The following AHCYL2 variants were observed in gnomAD, a reference collection of about 807,000 sequenced individuals.
AHCYL2 encodes adenosylhomocysteinase like 2, also known as S-adenosylhomocysteine hydrolase-like protein 2.
In AHCYL2, 28 loss-of-function variants were observed where a neutral mutation model predicts 81.4. The ratio of observed to expected loss-of-function variants is 0.34; its 90% confidence interval spans 0.25 to 0.47. The LOEUF (loss-of-function observed/expected upper bound fraction) is 0.47. AHCYL2 is among the 20% of genes least tolerant of loss of function. The pLI is 1.00. For synonymous variants in AHCYL2, 272 were observed against 290.2 expected (o/e 0.94, Z 0.64); for missense variants, 551 against 785.1 (o/e 0.70, Z 3.56).
At chr7:129,294,150 A>G (rs1796973124) in intron 1 of AHCYL2, among the ~76,000 whole-genome samples, 1 of 152,242 alleles carries the variant, frequency 6.6e-6, no homozygotes. Context: ...TTTAGTTGGT[A>G]GAACAATTAC....
rs769346623 is a variant in AHCYL2 at position 129,362,597 on chromosome 7, G to GTTTT, written c.364-17017_364-17014dup. Among the ~76,000 whole-genome samples, 46 of 63,646 alleles carry GTTTT rather than the reference G, an allele frequency of 7.2e-4. 1 individual carries two copies. The highest frequency in any genetic ancestry group is 2.1e-3 in the African/African-American group (39 of 18,734). 41.8% of individuals were successfully genotyped at this position (63,646 alleles called of 152,430 possible). ...CTAAGGAATAGTTATTGGTTTTCTT[G>GTTTT]TTTTTTTTTTTTTTTTTTTTTTTTT... On this transcript the variant is annotated intron_variant, in intron 1 of 16. Coordinates refer to ENST00000325006, the MANE Select transcript of AHCYL2 (RefSeq NM_015328.4).
intron 1 of AHCYL2, among the ~76,000 whole-genome samples, chr7:129,259,783 T>A (rs1331069384): frequency 6.6e-6 from 1 of 152,138 alleles, no homozygotes; most frequent in Non-Finnish European, 1.5e-5. Flanking sequence ...GTCAAGAATG[T>A]CAGCTGAGGT....
intron 1 of AHCYL2, among the ~76,000 whole-genome samples, chr7:129,334,824 C>T (rs1798539622): frequency 1.3e-5 from 2 of 152,066 alleles, no homozygotes; most frequent in Non-Finnish European, 2.9e-5. Context: ...TTTGGCTGCT[C>T]TTCTGCCACA....
chr7:129,229,860 A>T (rs1794356504), intron 1 of AHCYL2, among the ~76,000 whole-genome samples: 1 of 152,234 alleles, frequency 6.6e-6, no homozygotes, highest in Admixed American at 6.5e-5. Flanking sequence ...ATAATCTGAG[A>T]AATTTATCCA....
chr7:129,387,588 T>C (rs1795258669), intron 2 of AHCYL2, among the ~76,000 whole-genome samples: 1 of 152,226 alleles, frequency 6.6e-6, no homozygotes, highest in African/African-American at 2.4e-5. Flanking sequence ...GGATTAGAGA[T>C]GGCTGTTATC....
chr7:129,327,907 A>G (rs1160027714), intron 1 of AHCYL2, among the ~76,000 whole-genome samples: 1 of 151,190 alleles, frequency 6.6e-6, no homozygotes, highest in Non-Finnish European at 1.5e-5. Context: ...GATCCTCCTG[A>G]CTCAGCCTCC....
Position 129,430,020 on chromosome 7 carries a change from C to CATATAT in AHCYL2, c.*2986_*2991dup, listed in dbSNP as rs553787950. The CATATAT allele has an allele frequency of 3.4e-5, 5 of 148,128 alleles. No individual in the cohort carries two copies. Among genetic ancestry groups the CATATAT allele is most frequent in the African/African-American group, 1.2e-4 (5 of 40,418 alleles). The allele number at this position is 148,128 out of a possible 1,614,324, so 9.2% of individuals were successfully genotyped here. On this transcript the variant is annotated 3_prime_UTR_variant, in exon 17 of 17. Coordinates refer to ENST00000325006, the MANE Select transcript of AHCYL2 (RefSeq NM_015328.4). ...GGACAGGTTCTAAACTCTATATATA[C>CATATAT]ATATATATATATATATCTATATATC... is the stretch of plus-strand genomic sequence containing the variant.
At chr7:129,266,327 G>A (rs552433623) in intron 1 of AHCYL2, among the ~76,000 whole-genome samples, 21 of 152,336 alleles carry the variant, frequency 1.4e-4, no homozygotes, top group Admixed American at 1.4e-3. Context: ...GGAGGGGAAA[G>A]GATAATAGAG....
In AHCYL2 at chr7:129,422,855, C is replaced by T. The variant is rs777080311; in HGVS notation, c.1477C>T (p.Pro493Ser). ...TEIDVASLRTPELTWERVRSQ... is the reference protein window; with the variant it reads ...TEIDVASLRTSELTWERVRSQ... ...TGTGTTCCAGGCGAGTCTGCGGACA[C>T]CAGAACTGACCTGGGAGCGAGTGAG... The change falls in exon 13 of 17, where the codon CCA becomes TCA. Residue 493 changes from proline (P) to serine (S), a missense_variant. Around this residue, in one of 2 missense-constraint regions of AHCYL2, gnomAD observed 316 missense variants for 543.1 expected, o/e 0.58. Transcript: ENST00000325006. 2.5e-6 allele frequency: 4 copies of T among 1,614,100 alleles called. No individual in the cohort carries two copies. In the Admixed American group the frequency reaches 5.0e-5, roughly 20 times the overall value.
chr7:129,273,093 G>C (rs968708874), intron 1 of AHCYL2, among the ~76,000 whole-genome samples: 7 of 151,724 alleles, frequency 4.6e-5, no homozygotes, highest in Non-Finnish European at 1.0e-4. Context: ...GTAGAGACAG[G>C]GTTTCACCAT....
chr7:129,333,876 A>AT (rs1192774362), intron 1 of AHCYL2, among the ~76,000 whole-genome samples: 1 of 152,096 alleles, frequency 6.6e-6, no homozygotes, highest in Non-Finnish European at 1.5e-5. Flanking sequence ...TTGAAAAAAC[A>AT]TTTTTTTCAT....
chr7:129,292,845 A>G (rs561775896), intron 1 of AHCYL2, among the ~76,000 whole-genome samples: 37 of 152,302 alleles, frequency 2.4e-4, no homozygotes, highest in African/African-American at 8.7e-4. Context: ...AGGAACTTAA[A>G]TATTAGGAAC....
At chr7:129,403,902 C>CAACCACA (rs1324321731) in intron 7 of AHCYL2, among the ~76,000 whole-genome samples, 1 of 137,496 alleles carries the variant, frequency 7.3e-6, no homozygotes, top group Non-Finnish European at 1.6e-5. Context: ...TTGGAGCCTG[C>CAACCACA]TATGAGGTAA....
chr7:129,348,629 T>A lies in AHCYL2; in HGVS notation c.364-31009T>A, dbSNP rs114180534. ...GGGATTATCATGAGGATTAAATGAG[T>A]CATGTATATAATCTAATGCATTGTC... On this transcript the variant is annotated intron_variant, in intron 1 of 16. Coordinates refer to ENST00000325006, the MANE Select transcript of AHCYL2 (RefSeq NM_015328.4). Among the ~76,000 whole-genome samples the A allele has an allele frequency of 1.4e-3, 207 of 152,224 alleles. 1 individual carries two copies. The highest frequency in any genetic ancestry group is 4.6e-3 in the African/African-American group (193 of 41,554).
At chr7:129,298,653 C>T (rs947302400) in intron 1 of AHCYL2, among the ~76,000 whole-genome samples, 2 of 152,106 alleles carry the variant, frequency 1.3e-5, no homozygotes, top group Admixed American at 6.6e-5. Flanking sequence ...AAAGAAGCAA[C>T]GTAAGGCCTT....
At chr7:129,398,596 C>A (rs1795862054) in intron 5 of AHCYL2, among the ~76,000 whole-genome samples, 1 of 151,118 alleles carries the variant, frequency 6.6e-6, no homozygotes, top group Non-Finnish European at 1.5e-5. Context: ...TCAGGCTGGT[C>A]TCGAACTCCT....
At chr7:129,225,482 A>G (rs1213556523) in intron 1 of AHCYL2, 43 bp downstream of exon 1, 4 of 1,463,922 alleles carry the variant, frequency 2.7e-6, no homozygotes, top group Non-Finnish European at 3.6e-6. Context: ...AAGGGAGGGG[A>G]GGGGAACTGC....
intron 5 of AHCYL2, among the ~76,000 whole-genome samples, chr7:129,399,580 G>T (rs1055967201): frequency 3.9e-5 from 6 of 152,092 alleles, no homozygotes; most frequent in African/African-American, 1.2e-4. Flanking sequence ...GGAGAAACAC[G>T]TAAGGGTTTT....
intron 1 of AHCYL2, among the ~76,000 whole-genome samples, chr7:129,324,277 T>C (rs1430288833): frequency 2.6e-5 from 4 of 152,210 alleles, no homozygotes; most frequent in Admixed American, 6.5e-5. Flanking sequence ...AGATGTCTTA[T>C]AGGCAGCATA....
Sources: allele counts gnomAD v4.1 joint callset (sites outside exome capture counted in the v4.1 genomes callset), GRCh38; gene constraint gnomAD v4.1.1; regional missense constraint gnomAD v4.1.1; transcripts MANE v1.5; gene names NCBI Gene and HGNC (gene_info 2026-07-23, HGNC 2026-07-21).